The following RNF180 variants were observed in gnomAD, a reference collection of about 807,000 sequenced individuals.
RNF180 encodes the protein ring finger protein 180.
RNF180 carries 38 observed loss-of-function variants against 59.2 expected under a neutral mutation model. The ratio of observed to expected loss-of-function variants is 0.64; its 90% CI spans 0.50 to 0.84. RNF180 has a LOEUF of 0.84. Ranked by LOEUF, RNF180 falls within the 40% of genes least tolerant of loss-of-function variation. RNF180 has a pLI of 0.00. For missense variants in RNF180, 705 were observed against 700.9 expected, an observed-to-expected ratio of 1.01 and a Z score of -0.07; for synonymous variants, 262 against 240.3, an observed-to-expected ratio of 1.09 and a Z score of -0.84.
At chr5:64,279,695 C>T (rs1006210587) in intron 5 of RNF180, among the ~76,000 whole-genome samples, 2 of 152,180 alleles carry the variant, frequency 1.3e-5, no homozygotes, top group Non-Finnish European at 2.9e-5. Flanking sequence ...AGAATCTAAA[C>T]ACATTTTAGA....
At chr5:64,350,623 A>G (rs557118416) in intron 7 of RNF180, among the ~76,000 whole-genome samples, 25 of 152,272 alleles carry the variant, frequency 1.6e-4, no homozygotes, top group African/African-American at 6.0e-4. Context: ...AGCTTTCTAC[A>G]TATGGCTAGC....
At chr5:64,300,694 G>A (rs1440166495) in intron 5 of RNF180, among the ~76,000 whole-genome samples, 1 of 151,688 alleles carries the variant, frequency 6.6e-6, no homozygotes, top group Non-Finnish European at 1.5e-5. Context: ...AGTGAGTATG[G>A]CACAAACATT....
At chr5:64,327,351 G>A (rs1744693488) in intron 6 of RNF180, among the ~76,000 whole-genome samples, 1 of 151,580 alleles carries the variant, frequency 6.6e-6, no homozygotes, top group African/African-American at 2.4e-5. Flanking sequence ...TTGCTTTTCT[G>A]GTTTCTTGAG....
At chr5:64,187,845 T>C (rs928137864) in intron 1 of RNF180, among the ~76,000 whole-genome samples, 4 of 152,224 alleles carry the variant, frequency 2.6e-5, no homozygotes, top group Non-Finnish European at 5.9e-5. Flanking sequence ...TTACTTAACA[T>C]AGGAATACTT....
intron 5 of RNF180, among the ~76,000 whole-genome samples, chr5:64,302,645 C>T (rs984385443): frequency 6.6e-6 from 1 of 151,576 alleles, no homozygotes; most frequent in Admixed American, 6.6e-5. Flanking sequence ...AAGGTGTTTA[C>T]ATGTGTCAGA....
In RNF180 at chr5:64,371,826, G is replaced by A. The variant is rs1746665010; in HGVS notation, c.*2012G>A. ...AAACTGCTAAATATTAAGAAGTATA[G>A]CATTTCCTAGATCTACCAGCTTATA... On this transcript the variant is annotated 3_prime_UTR_variant, in exon 8 of 8. Coordinates refer to ENST00000389100, the MANE Select transcript of RNF180 (RefSeq NM_001113561.2). 1 of 151,500 alleles carries A rather than the reference G, an allele frequency of 6.6e-6. No individual in the cohort carries two copies. Among genetic ancestry groups the A allele is most frequent in the Admixed American group, 6.6e-5 (1 of 15,162 alleles). 9.4% of individuals were successfully genotyped at this position (151,500 alleles called of 1,614,324 possible).
intron 5 of RNF180, among the ~76,000 whole-genome samples, chr5:64,256,964 A>G (rs183967261): frequency 3.8e-3 from 580 of 152,282 alleles, no homozygotes; most frequent in Non-Finnish European, 6.1e-3. Flanking sequence ...CTTTGAAGCA[A>G]TTGTGAATGG....
chr5:64,350,851 C>T (rs1213850465), intron 7 of RNF180, among the ~76,000 whole-genome samples: 1 of 152,112 alleles, frequency 6.6e-6, no homozygotes, highest in Non-Finnish European at 1.5e-5. Flanking sequence ...ATGATGCCTC[C>T]AGCTTTGTTC....
chr5:64,301,701 A>ATGTGTGTGTGTG (rs3069547), intron 5 of RNF180, among the ~76,000 whole-genome samples: 126 of 148,708 alleles, frequency 8.5e-4, no homozygotes, highest in African/African-American at 2.9e-3. Flanking sequence ...CCACATCAGA[A>ATGTGTGTGTGTG]TGTGTGTGTG....
chr5:64,372,698 T>C lies in RNF180; in HGVS notation c.*2884T>C, dbSNP rs1006023116. 3.5e-4 allele frequency: 53 copies of C among 151,928 alleles called. No individual in the cohort carries two copies. The highest frequency in any genetic ancestry group is 1.3e-3 in the African/African-American group (53 of 41,434). The allele number at this position is 151,928 out of a possible 1,614,324, so 9.4% of individuals were successfully genotyped here. On this transcript the variant is annotated 3_prime_UTR_variant, in exon 8 of 8. Transcript: ENST00000389100. ...GTCTTTGATTCTTCACAGAATTCTG[T>C]AGTTGAAGCCAGAAAACACTGTCAT...
chr5:64,216,598 C>T (rs1752642321), intron 4 of RNF180, among the ~76,000 whole-genome samples: 1 of 152,156 alleles, frequency 6.6e-6, no homozygotes, highest in African/African-American at 2.4e-5. Flanking sequence ...GTAAGCTAGA[C>T]ATCTTTCAGT....
At chr5:64,288,823 A>G (rs576429743) in intron 5 of RNF180, among the ~76,000 whole-genome samples, 2 of 152,340 alleles carry the variant, frequency 1.3e-5, no homozygotes, top group African/African-American at 4.8e-5. Context: ...ATATAGGATC[A>G]TGTCATCTGC....
intron 1 of RNF180, among the ~76,000 whole-genome samples, chr5:64,182,307 T>G (rs908138519): frequency 1.1e-4 from 16 of 152,182 alleles, no homozygotes; most frequent in African/African-American, 3.9e-4. Flanking sequence ...AAAATTTATT[T>G]TAAAGAAATT....
At chr5:64,184,158 A>G (rs953005329) in intron 1 of RNF180, among the ~76,000 whole-genome samples, 2 of 152,214 alleles carry the variant, frequency 1.3e-5, no homozygotes, top group Non-Finnish European at 2.9e-5. Context: ...GAGAGGTCAC[A>G]GAAGAAACCA....
chr5:64,277,827 A>G (rs1741809857), intron 5 of RNF180, among the ~76,000 whole-genome samples: 1 of 152,106 alleles, frequency 6.6e-6, no homozygotes, highest in Non-Finnish European at 1.5e-5. Flanking sequence ...CTTACACAGA[A>G]CCTTTGAGCA....
In RNF180 at chr5:64,189,704, T is replaced by C. The variant is rs970369828; in HGVS notation, c.1-11104T>C. ...AACCAGAAATTAAGATTCTGAAAAT[T>C]CTCAGCCTGTTTATATTGCATAATA... On this transcript the variant is annotated intron_variant, in intron 1 of 7. Transcript: ENST00000389100. 2.0e-5 allele frequency among the ~76,000 whole-genome samples: 3 copies of C among 152,138 alleles called. No individual in the cohort carries two copies. The South Asian group carries it at 6.2e-4, about 31-fold the overall frequency.
At chr5:64,355,860 GGACC>G (rs1745997732) in intron 7 of RNF180, among the ~76,000 whole-genome samples, 2 of 151,572 alleles carry the variant, frequency 1.3e-5, no homozygotes, top group African/African-American at 4.8e-5. Context: ...GAATGAAGTT[GGACC>G]CCTTAACTCC....
chr5:64,344,207 T>C (rs954252409), intron 7 of RNF180, among the ~76,000 whole-genome samples: 7 of 152,032 alleles, frequency 4.6e-5, no homozygotes, highest in African/African-American at 1.7e-4. Context: ...TTATAAGAGA[T>C]GGCATTTAAA....
At chr5:64,358,132 C>A (rs1172434595) in intron 7 of RNF180, among the ~76,000 whole-genome samples, 1 of 151,820 alleles carries the variant, frequency 6.6e-6, no homozygotes, top group African/African-American at 2.4e-5. Flanking sequence ...TTTCACTGAA[C>A]TGCTGGGTGC....
Sources: allele counts gnomAD v4.1 joint callset (sites outside exome capture counted in the v4.1 genomes callset), GRCh38; gene constraint gnomAD v4.1.1; transcripts MANE v1.5; gene names NCBI Gene and HGNC (gene_info 2026-07-23, HGNC 2026-07-21).